The following SLC13A3 variants were observed in gnomAD, a reference collection of about 807,000 sequenced individuals.
SLC13A3 encodes the protein Na(+)/dicarboxylate cotransporter 3.
Under a neutral mutation model 59.0 loss-of-function variants are expected in SLC13A3, and 40 were observed. The observed-to-expected ratio is 0.68, with a 90% CI of 0.53 to 0.88. SLC13A3 has a LOEUF of 0.88. Ranked by LOEUF, SLC13A3 falls within the 40% of genes least tolerant of loss-of-function variation. The probability of loss-of-function intolerance (pLI) is 0.00; values close to 1 mark genes in which losing one functional copy is unlikely to be tolerated. For missense variants in SLC13A3, 699 were observed against 783.2 expected (o/e 0.89, Z 1.28); for synonymous variants, 317 against 330.3 (o/e 0.96, Z 0.44).
upstream of SLC13A3, among the ~76,000 whole-genome samples, chr20:46,673,963 C>T (rs1180359241): frequency 6.6e-6 from 1 of 152,186 alleles, no homozygotes; most frequent in Admixed American, 6.5e-5. Flanking sequence ...AAATCAGACA[C>T]CAGTTTTGCT....
intron 9 of SLC13A3, 97 bp from the exon 10 acceptor site, chr20:46,575,782 G>T: frequency 1.6e-6 from 1 of 641,370 alleles, no homozygotes; most frequent in Non-Finnish European, 2.5e-6. Flanking sequence ...ACACTCAGGG[G>T]TCCCCAGGAA....
chr20:46,679,734 C>A (rs1469882293), intron 1 of SLC13A3, among the ~76,000 whole-genome samples: 1 of 152,044 alleles, frequency 6.6e-6, no homozygotes, highest in East Asian at 1.9e-4. Flanking sequence ...TGGTGATATC[C>A]CCGTCTTCAC....
chr20:46,677,345 T>A (rs921429501), intron 1 of SLC13A3, among the ~76,000 whole-genome samples: 1 of 152,018 alleles, frequency 6.6e-6, no homozygotes, highest in Non-Finnish European at 1.5e-5. Flanking sequence ...AACTTGTCCA[T>A]CCCCCTAGAA....
At chr20:46,642,950 G>A (rs142035308) in intron 1 of SLC13A3, among the ~76,000 whole-genome samples, 122 of 152,322 alleles carry the variant, frequency 8.0e-4, no homozygotes, top group South Asian at 7.3e-3. Flanking sequence ...CTGTCTGCAC[G>A]TGGGCTCTTC....
intron 1 of SLC13A3, among the ~76,000 whole-genome samples, chr20:46,642,280 CAG>C (rs1426530853): frequency 6.6e-6 from 1 of 152,216 alleles, no homozygotes; most frequent in African/African-American, 2.4e-5. Flanking sequence ...CTGGATGACA[CAG>C]GGCCCTGGGG....
At chr20:46,674,723 G>GAATTA (rs1379320335), upstream of SLC13A3, among the ~76,000 whole-genome samples, 2 of 151,974 alleles carry the variant, frequency 1.3e-5, no homozygotes, top group African/African-American at 4.8e-5. Flanking sequence ...TTGGAAGAGA[G>GAATTA]AATTCAATTC....
intron 5 of SLC13A3, 32 bp downstream of exon 5, chr20:46,596,125 C>T (rs1262142570): frequency 2.5e-6 from 4 of 1,592,734 alleles, no homozygotes; most frequent in South Asian, 1.1e-5. Context: ...AGGAGCAGAA[C>T]CCTCCCCGCC....
chr20:46,577,017 GT>G (rs1472907095), intron 9 of SLC13A3, among the ~76,000 whole-genome samples: 2 of 147,300 alleles, frequency 1.4e-5, no homozygotes, highest in African/African-American at 5.0e-5. Flanking sequence ...CAACCCACAG[GT>G]GTATGCAGCC....
chr20:46,620,380 A>G (rs1015462504), intron 1 of SLC13A3, among the ~76,000 whole-genome samples: 5 of 152,226 alleles, frequency 3.3e-5, no homozygotes, highest in Non-Finnish European at 5.9e-5. Flanking sequence ...AACTCATACT[A>G]ACTTATTATC....
At position 46,630,309 on chromosome 20, in the gene SLC13A3, G is replaced by A. The variant is rs564360336; in HGVS notation, c.112-16584C>T. 1.2e-4 allele frequency among the ~76,000 whole-genome samples: 19 copies of A among 152,270 alleles called. No homozygotes were observed. In the South Asian group the frequency reaches 1.7e-3, roughly 13 times the overall value. On this transcript the variant is annotated intron_variant, in intron 1 of 12. Coordinates refer to ENST00000279027, the MANE Select transcript of SLC13A3 (RefSeq NM_022829.6). ...TCCAACATCCCGCTTCATGACAAGC[G>A]TCTTGGAGCCTCCTCAATCAGTTCA...
chr20:46,599,217 G>A (rs1034662778), intron 4 of SLC13A3, among the ~76,000 whole-genome samples: 3 of 152,242 alleles, frequency 2.0e-5, no homozygotes, highest in Non-Finnish European at 4.4e-5. Context: ...CCTTAGAATA[G>A]TGCCTGGCTC....
intron 3 of SLC13A3, among the ~76,000 whole-genome samples, 153 bp downstream of exon 3, chr20:46,610,293 A>G (rs1464168898): frequency 6.6e-6 from 1 of 152,222 alleles, no homozygotes; most frequent in African/African-American, 2.4e-5. Flanking sequence ...TTTCTTATCT[A>G]ATTATCAGTC....
At chr20:46,575,759 C>T in intron 9 of SLC13A3, 74 bp from the exon 10 acceptor site, 1 of 867,524 alleles carries the variant, frequency 1.2e-6, no homozygotes, top group Non-Finnish European at 1.7e-6. Flanking sequence ...CCCTGAGCCC[C>T]ATCTTACCGG....
chr20:46,683,019 C>T (rs1000911133), intron 1 of SLC13A3, among the ~76,000 whole-genome samples: 4 of 152,112 alleles, frequency 2.6e-5, no homozygotes, highest in South Asian at 2.1e-4. Flanking sequence ...TGCAGATGGA[C>T]GATTCTCCTC....
chr20:46,652,388 G>T (rs747098253), upstream of SLC13A3, among the ~76,000 whole-genome samples: 42 of 150,900 alleles, frequency 2.8e-4, no homozygotes, highest in Non-Finnish European at 4.6e-4. Flanking sequence ...TTATTTTTGG[G>T]TTTTTTTTTC....
At chr20:46,650,311 C>T (rs1237887653) in intron 1 of SLC13A3, among the ~76,000 whole-genome samples, 1 of 152,116 alleles carries the variant, frequency 6.6e-6, no homozygotes, top group Non-Finnish European at 1.5e-5. Context: ...CCGACATAGT[C>T]ACTTGCTGTG....
intron 1 of SLC13A3, among the ~76,000 whole-genome samples, chr20:46,635,945 C>T (rs1215774849): frequency 1.3e-5 from 2 of 152,154 alleles, no homozygotes; most frequent in African/African-American, 4.8e-5. Flanking sequence ...TTATCAATGC[C>T]GTGGCAGCAT....
intron 1 of SLC13A3, among the ~76,000 whole-genome samples, chr20:46,626,900 C>T (rs1213016885): frequency 2.3e-5 from 3 of 133,324 alleles, no homozygotes; most frequent in Non-Finnish European, 4.9e-5. Context: ...CCCACGCACC[C>T]CCTTCTATCT....
At chr20:46,633,274 C>T (rs142929173) in intron 1 of SLC13A3, among the ~76,000 whole-genome samples, 89 of 152,194 alleles carry the variant, frequency 5.8e-4, no homozygotes, top group African/African-American at 2.1e-3. Flanking sequence ...CTGCCAAGGC[C>T]AAGAAGCACA....
Sources: gnomAD v4.1 joint callset for allele counts (sites outside exome capture counted in the v4.1 genomes callset) on GRCh38, gnomAD v4.1.1 for gene constraint, MANE v1.5 for transcripts, NCBI Gene and HGNC (gene_info 2026-07-23, HGNC 2026-07-21) for gene names.